NBEA: variants seen among roughly 807,000 people sequenced by gnomAD.
NBEA encodes neurobeachin, also known as lysosomal-trafficking regulator 2.
NBEA carries 44 observed loss-of-function variants against 343.4 expected under a neutral mutation model. The observed-to-expected ratio is 0.13, with a 90% confidence interval of 0.10 to 0.16. The LOEUF (loss-of-function observed/expected upper bound fraction) is 0.16, where lower values mean the gene tolerates loss of function less well. Among genes scored for constraint, NBEA ranks in the 10% least tolerant of loss-of-function variants. NBEA has a pLI of 1.00. For missense variants in NBEA, 2,555 were observed against 3,631.3 expected, an observed-to-expected ratio of 0.70 and a Z score of 7.62; for synonymous variants, 1,175 against 1,238.7, an observed-to-expected ratio of 0.95 and a Z score of 1.08.
chr13:35,482,670 G>T (rs2076165206), intron 41 of NBEA, among the ~76,000 whole-genome samples: 2 of 149,942 alleles, frequency 1.3e-5, no homozygotes, highest in Admixed American at 6.6e-5. Flanking sequence ...GTATAGCTTT[G>T]TTTTTCTGTG....
intron 48 of NBEA, among the ~76,000 whole-genome samples, chr13:35,621,551 C>T (rs1231988267): frequency 6.6e-6 from 1 of 152,104 alleles, no homozygotes. Context: ...TTGTTGGTCT[C>T]CTCCCAGTAC....
rs2152839219 is a variant in NBEA at position 35,319,308 on chromosome 13, C to G, written c.5903+9716C>G. Among the ~76,000 whole-genome samples the G allele has an allele frequency of 2.0e-5, 3 of 152,278 alleles. 1 individual carries two copies. In the Middle Eastern group the frequency reaches 0.01, roughly 518 times the overall value. ...TTCTGGTACATTGTGTCTTTGTTCT[C>G]ATTGGTTTCAAAGAATTATTTATTT... On this transcript the variant is annotated intron_variant, in intron 36 of 58. Transcript: ENST00000379939.
intron 41 of NBEA, among the ~76,000 whole-genome samples, chr13:35,483,602 G>A (rs1451478010): frequency 6.6e-6 from 1 of 151,880 alleles, no homozygotes; most frequent in Non-Finnish European, 1.5e-5. Flanking sequence ...TGATAATGAT[G>A]CTCTTTCAAA....
chr13:35,655,758 T>C lies in NBEA; in HGVS notation c.8362+9T>C, dbSNP rs2084783699. 6.2e-7 allele frequency: 1 copy of C among 1,603,204 alleles called. No individual in the cohort carries two copies. Among genetic ancestry groups the C allele is most frequent in the Non-Finnish European group, 8.5e-7 (1 of 1,174,872 alleles). On this transcript the variant is annotated intron_variant, in intron 55 of 58. Transcript: ENST00000379939. ...AGACAACCCTAACAGCAGTGAGTGT[T>C]TGTATCAAATTTGTCCTATCAAACT...
intron 36 of NBEA, among the ~76,000 whole-genome samples, chr13:35,321,630 G>A (rs1169116455): frequency 6.6e-6 from 1 of 152,184 alleles, no homozygotes; most frequent in East Asian, 1.9e-4. Flanking sequence ...CACTGTGCTT[G>A]GAGATCTGCT....
chr13:35,667,878 G>C (rs571146910), intron 57 of NBEA, among the ~76,000 whole-genome samples: 30 of 152,250 alleles, frequency 2.0e-4, no homozygotes, highest in African/African-American at 7.0e-4. Context: ...AACATTAAAA[G>C]TGAGTTTATT....
chr13:35,353,129 G>C (rs1385875493), intron 38 of NBEA, among the ~76,000 whole-genome samples: 1 of 152,096 alleles, frequency 6.6e-6, no homozygotes, highest in Non-Finnish European at 1.5e-5. Context: ...CTACTAAGAA[G>C]AGCCTTGGTA....
At chr13:35,074,033 T>C (rs965939261) in intron 10 of NBEA, among the ~76,000 whole-genome samples, 4 of 152,190 alleles carry the variant, frequency 2.6e-5, no homozygotes, top group African/African-American at 9.6e-5. Context: ...TTGTGACTTT[T>C]TAAATTATGA....
At chr13:34,973,328 T>C (rs748696788) in intron 1 of NBEA, among the ~76,000 whole-genome samples, 14 of 152,164 alleles carry the variant, frequency 9.2e-5, no homozygotes, top group Admixed American at 6.5e-5. Context: ...ATAGAGCAGC[T>C]GTGCTGTGCT....
intron 40 of NBEA, among the ~76,000 whole-genome samples, chr13:35,469,925 G>T (rs889323013): frequency 6.6e-6 from 1 of 152,096 alleles, no homozygotes; most frequent in East Asian, 1.9e-4. Flanking sequence ...TTTTAATATC[G>T]GATCCCTAAA....
intron 1 of NBEA, among the ~76,000 whole-genome samples, chr13:35,018,201 C>G (rs2061718261): frequency 6.6e-6 from 1 of 151,930 alleles, no homozygotes; most frequent in Admixed American, 6.6e-5. Flanking sequence ...CAAGTTTGTT[C>G]TTCAGTCTCA....
chr13:35,458,856 A>G (rs555282821), intron 40 of NBEA, among the ~76,000 whole-genome samples: 1 of 152,298 alleles, frequency 6.6e-6, no homozygotes, highest in African/African-American at 2.4e-5. Context: ...AAGCTGTTCT[A>G]TATCCAATGG....
rs2085641375 is a variant in NBEA at position 35,672,201 on chromosome 13, C to A, written c.*1210C>A. On this transcript the variant is annotated 3_prime_UTR_variant, in exon 59 of 59. Coordinates refer to ENST00000379939, the MANE Select transcript of NBEA (RefSeq NM_001385012.1). ...TATATACACTTTCTTCATGTTTCTT[C>A]TTTGTATATTTGGTGACTGTATCGT... The A allele has an allele frequency of 6.6e-6, 1 of 152,616 alleles. No individual in the cohort carries two copies. The highest frequency in any genetic ancestry group is 2.1e-4 in the South Asian group (1 of 4,810). The allele number at this position is 152,616 out of a possible 1,614,324, so 9.5% of individuals were successfully genotyped here. A position where few individuals can be genotyped will look rare whatever the true frequency, so the allele number is the denominator to read the frequency against.
chr13:35,466,737 G>T (rs1210386219), intron 40 of NBEA, among the ~76,000 whole-genome samples: 3 of 152,056 alleles, frequency 2.0e-5, no homozygotes, highest in African/African-American at 7.2e-5. Flanking sequence ...CCAAAGTGCT[G>T]GGATTACAAG....
chr13:35,638,075 G>A (rs760150627), intron 49 of NBEA, among the ~76,000 whole-genome samples: 2 of 152,228 alleles, frequency 1.3e-5, no homozygotes, highest in Non-Finnish European at 2.9e-5. Flanking sequence ...CAAAATCATA[G>A]AGAAAGAAAG....
intron 33 of NBEA, among the ~76,000 whole-genome samples, chr13:35,231,990 GTAAA>G (rs1450353458): frequency 6.6e-6 from 1 of 152,130 alleles, no homozygotes; most frequent in Non-Finnish European, 1.5e-5. Context: ...GTAAAGAAAA[GTAAA>G]TAGGCTTATG....
intron 1 of NBEA, among the ~76,000 whole-genome samples, chr13:34,961,822 T>C (rs1400283238): frequency 6.6e-6 from 1 of 152,062 alleles, no homozygotes; most frequent in Non-Finnish European, 1.5e-5. Flanking sequence ...TTTTGAAAGA[T>C]GGCTAGAAGC....
chr13:35,082,636 T>G (rs2064480177), intron 10 of NBEA, among the ~76,000 whole-genome samples: 1 of 152,212 alleles, frequency 6.6e-6, no homozygotes, highest in Non-Finnish European at 1.5e-5. Context: ...GGTGTCTCAT[T>G]GTGGTTTTGA....
intron 34 of NBEA, among the ~76,000 whole-genome samples, chr13:35,260,739 C>T (rs1593979795): frequency 6.6e-6 from 1 of 152,282 alleles, no homozygotes; most frequent in East Asian, 1.9e-4. Context: ...GACCGTGGAC[C>T]TTTAGAGCAA....
Sources: gnomAD v4.1 joint callset for allele counts (sites outside exome capture counted in the v4.1 genomes callset) on GRCh38, gnomAD v4.1.1 for gene constraint, MANE v1.5 for transcripts, NCBI Gene and HGNC (gene_info 2026-07-23, HGNC 2026-07-21) for gene names.